BRD4: variants seen among roughly 807,000 people sequenced by gnomAD.
The protein encoded by BRD4 is bromodomain containing 4.
BRD4 carries 16 observed loss-of-function variants against 142.1 expected under a neutral mutation model. The ratio of observed to expected loss-of-function variants is 0.11; its 90% CI spans 0.08 to 0.17. The LOEUF (loss-of-function observed/expected upper bound fraction) is 0.17, where lower values mean the gene tolerates loss of function less well. BRD4 is among the 10% of genes least tolerant of loss of function. BRD4 has a pLI of 1.00. For synonymous variants in BRD4, 833 were observed against 707.5 expected, an observed-to-expected ratio of 1.18 and a Z score of -2.82; for missense variants, 1,424 against 1,810.9, an observed-to-expected ratio of 0.79 and a Z score of 3.88.
intron 1 of BRD4, among the ~76,000 whole-genome samples, chr19:15,278,314 C>T (rs114875306): frequency 1.5e-3 from 226 of 151,762 alleles, no homozygotes; most frequent in African/African-American, 5.1e-3. Flanking sequence ...GTAGGCAGAT[C>T]ACTTGAGGTC....
intron 1 of BRD4, among the ~76,000 whole-genome samples, chr19:15,305,816 T>C (rs995199844): frequency 3.9e-5 from 6 of 152,250 alleles, no homozygotes; most frequent in Non-Finnish European, 7.3e-5. Flanking sequence ...ATAAACTATT[T>C]TGTCTACACT....
At chr19:15,331,815 C>T (rs2048162308) in intron 1 of BRD4, 1 of 149,252 alleles carries the variant, frequency 6.7e-6, no homozygotes, top group African/African-American at 2.4e-5. Flanking sequence ...CTCGCGGCCC[C>T]CGCGCCAGGC....
At chr19:15,293,670 A>G (rs1232368150) in intron 1 of BRD4, among the ~76,000 whole-genome samples, 1 of 152,202 alleles carries the variant, frequency 6.6e-6, no homozygotes, top group Non-Finnish European at 1.5e-5. Context: ...CACAGAACCT[A>G]AAATCCGCCA....
Position 15,256,195 on chromosome 19 carries a change from C to T in BRD4, c.1620G>A (p.Glu540=), listed in dbSNP as rs1481491982. ...CTTTTTTCTTTTCCTTCTTGTCTTT[C>T]TCCTTTTTCTTTGGTTTGTTCTGCT... is the stretch of plus-strand genomic sequence containing the variant. ...QPQQNKPKKK[E]KDKKEKKKEK... The change falls in exon 9 of 20, where the codon GAG becomes GAA. Residue 540 remains glutamate, a synonymous_variant. Coordinates refer to ENST00000679869, the MANE Select transcript of BRD4 (RefSeq NM_001379291.1). 8.1e-6 allele frequency: 13 copies of T among 1,613,112 alleles called. No individual in the cohort carries two copies. The highest frequency in any genetic ancestry group is 9.3e-6 in the Non-Finnish European group (11 of 1,179,990).
chr19:15,327,721 T>C (rs1286407944), intron 1 of BRD4, among the ~76,000 whole-genome samples: 1 of 152,062 alleles, frequency 6.6e-6, no homozygotes, highest in Admixed American at 6.6e-5. Context: ...TACTGATTCA[T>C]GCTACACAGC....
At position 15,244,979 on chromosome 19, in the gene BRD4, G is replaced by C. The variant is rs944437641; in HGVS notation, c.2159-217C>G. ...CACTTGCCTGCTGCTTTTCCTAGCA[G>C]GGACTGTGCCTGAAAAAGCCTCCCC... On this transcript the variant is annotated intron_variant, in intron 11 of 19. Coordinates refer to ENST00000679869, the MANE Select transcript of BRD4 (RefSeq NM_001379291.1). The C allele has an allele frequency of 3.5e-6, 3 of 851,760 alleles. No homozygotes were observed. The African/African-American group carries it at 5.1e-5, about 15-fold the overall frequency. The allele number at this position is 851,760 out of a possible 1,614,324, so 52.8% of individuals were successfully genotyped here. A position where few individuals can be genotyped will look rare whatever the true frequency, so the allele number is the denominator to read the frequency against.
chr19:15,289,967 A>T (rs1432802955), intron 1 of BRD4, among the ~76,000 whole-genome samples: 1 of 152,256 alleles, frequency 6.6e-6, no homozygotes, highest in African/African-American at 2.4e-5. Context: ...CTGAAGGGCA[A>T]GGAGTAATTC....
intron 1 of BRD4, among the ~76,000 whole-genome samples, chr19:15,295,618 T>C (rs921037808): frequency 6.6e-6 from 1 of 152,194 alleles, no homozygotes; most frequent in Admixed American, 6.5e-5. Context: ...TCCGAACTAA[T>C]GTAATAAGAC....
Position 15,239,448 on chromosome 19 carries a change from C to T in BRD4, c.3520G>A (p.Ala1174Thr). ...TGTTTCTGTTTGTCCTTGTCAGGGG[C>T]CCCTGGTGGCGGTGCGTTCTGCTCT... ...PPEQNAPPPG[A>T]PDKDKQKQEP... Residue 1174 changes from alanine to threonine, a missense_variant, in exon 17 of 20, where the codon GCC becomes ACC. Coordinates refer to ENST00000679869, the MANE Select transcript of BRD4 (RefSeq NM_001379291.1). The surrounding 1 kb of genome is among the most constrained non-coding windows in gnomAD (Gnocchi z 7.4). 1.2e-6 allele frequency: 2 copies of T among 1,614,122 alleles called. No individual in the cohort carries two copies. Among genetic ancestry groups the T allele is most frequent in the African/African-American group, 1.3e-5 (1 of 75,042 alleles).
chr19:15,280,458 C>A, intron 1 of BRD4: 1 of 1,011,728 alleles, frequency 9.9e-7, no homozygotes, highest in Non-Finnish European at 1.2e-6. Context: ...GAATTTCATC[C>A]TCGTAAACAA....
chr19:15,311,094 C>T (rs2047966218), intron 1 of BRD4, among the ~76,000 whole-genome samples: 1 of 151,828 alleles, frequency 6.6e-6, no homozygotes, highest in Non-Finnish European at 1.5e-5. Flanking sequence ...AGTTTGAGAC[C>T]AGCATGGCCA....
chr19:15,278,543 CAAAAA>C (rs1235423521), intron 1 of BRD4, among the ~76,000 whole-genome samples: 2 of 74,884 alleles, frequency 2.7e-5, no homozygotes, highest in Non-Finnish European at 2.4e-5. Flanking sequence ...CAACCCCCGC[CAAAAA>C]AAAAAAAAAA....
chr19:15,316,573 A>G (rs2048020129), intron 1 of BRD4, among the ~76,000 whole-genome samples: 1 of 152,192 alleles, frequency 6.6e-6, no homozygotes, highest in Admixed American at 6.5e-5. Context: ...CCTGGGCAAC[A>G]AGAGCCAAAC....
At chr19:15,313,274 G>A (rs905053101) in intron 1 of BRD4, among the ~76,000 whole-genome samples, 3 of 151,442 alleles carry the variant, frequency 2.0e-5, no homozygotes, top group Non-Finnish European at 2.9e-5. Context: ...TTGGGAGGCC[G>A]AGGCAGGAGA....
At chr19:15,294,663 T>A (rs943908198) in intron 1 of BRD4, among the ~76,000 whole-genome samples, 1 of 152,194 alleles carries the variant, frequency 6.6e-6, no homozygotes, top group African/African-American at 2.4e-5. Context: ...AGCCAATCAT[T>A]GGGACTTCTC....
At chr19:15,310,357 T>G (rs568167629) in intron 1 of BRD4, among the ~76,000 whole-genome samples, 1 of 51,340 alleles carries the variant, frequency 1.9e-5, no homozygotes, top group Non-Finnish European at 4.4e-5. Context: ...GATTTTTGGA[T>G]TCCCCCCCCC....
intron 1 of BRD4, among the ~76,000 whole-genome samples, chr19:15,302,054 C>A: frequency 6.6e-6 from 1 of 151,584 alleles, no homozygotes; most frequent in Admixed American, 6.6e-5. Context: ...GTAATTCCAG[C>A]TACTTGAGAG....
At chr19:15,246,197 C>T (rs969654729) in intron 11 of BRD4, among the ~76,000 whole-genome samples, 1 of 152,178 alleles carries the variant, frequency 6.6e-6, no homozygotes, top group Non-Finnish European at 1.5e-5. Flanking sequence ...GAGAGAGATA[C>T]TGTTGTGGGT....
rs1190794603 is a variant in BRD4, at chr19:15,236,451, T to G, written c.*1926A>C. Reference sequence around the variant, plus strand: ...CCCTGAGCTTAAATGAAAGGAGGAGTTAGGTTGAGGCAGGCAAGGTGGGAG... The same window carrying G: ...CCCTGAGCTTAAATGAAAGGAGGAGGTAGGTTGAGGCAGGCAAGGTGGGAG... On this transcript the variant is annotated 3_prime_UTR_variant, in exon 20 of 20. Transcript: ENST00000679869. 2 of 145,634 alleles carry G rather than the reference T, an allele frequency of 1.4e-5. No homozygotes were observed. Among genetic ancestry groups the G allele is most frequent in the East Asian group, 2.1e-4 (1 of 4,788 alleles). 9.0% of individuals were successfully genotyped at this position (145,634 alleles called of 1,614,324 possible).
Sources: allele counts gnomAD v4.1 joint callset (sites outside exome capture counted in the v4.1 genomes callset), GRCh38; gene constraint gnomAD v4.1.1; non-coding constraint Gnocchi (gnomAD v3.1); transcripts MANE v1.5; gene names NCBI Gene and HGNC (gene_info 2026-07-23, HGNC 2026-07-21).